The following NCOA1 variants were observed in gnomAD, a reference collection of about 807,000 sequenced individuals.
The protein encoded by NCOA1 is nuclear receptor coactivator 1, also known as Hin-2 protein.
NCOA1 carries 35 observed loss-of-function variants against 150.9 expected under a neutral mutation model. The observed-to-expected ratio is 0.23, with a 90% confidence interval of 0.18 to 0.31. The LOEUF (loss-of-function observed/expected upper bound fraction) is 0.31. Ranked by LOEUF, NCOA1 falls within the 10% of genes least tolerant of loss-of-function variation. The pLI is 1.00. For synonymous variants in NCOA1, 590 were observed against 630.0 expected, an observed-to-expected ratio of 0.94 and a Z score of 0.95; for missense variants, 1,491 against 1,749.3, an observed-to-expected ratio of 0.85 and a Z score of 2.63.
chr2:24,492,634 T>C (rs1361199073), intron 1 of NCOA1, among the ~76,000 whole-genome samples: 1 of 152,112 alleles, frequency 6.6e-6, no homozygotes, highest in Non-Finnish European at 1.5e-5. Context: ...TCGTTTCTTG[T>C]AGAGGTGTTG....
intron 3 of NCOA1, among the ~76,000 whole-genome samples, chr2:24,613,729 G>T (rs1273402625): frequency 6.6e-6 from 1 of 152,122 alleles, no homozygotes; most frequent in Non-Finnish European, 1.5e-5. Flanking sequence ...CTGAAGCTAT[G>T]CCCGGGAATG....
At chr2:24,620,541 G>A (rs545766650) in intron 3 of NCOA1, among the ~76,000 whole-genome samples, 3 of 152,200 alleles carry the variant, frequency 2.0e-5, no homozygotes, top group South Asian at 2.1e-4. Context: ...CCTGGGAGGC[G>A]GAGGTTTTGG....
chr2:24,567,526 T>C (rs181013297), intron 2 of NCOA1, among the ~76,000 whole-genome samples: 1 of 152,340 alleles, frequency 6.6e-6, no homozygotes, highest in Admixed American at 6.5e-5. Flanking sequence ...GAAGACTAGA[T>C]ACACCCATCT....
chr2:24,565,997 G>C (rs1258387381), intron 2 of NCOA1, among the ~76,000 whole-genome samples: 1 of 152,168 alleles, frequency 6.6e-6, no homozygotes. Context: ...CTTCCTGAAG[G>C]CTGCAGCTCT....
intron 4 of NCOA1, among the ~76,000 whole-genome samples, chr2:24,652,371 A>G (rs979910477): frequency 5.9e-5 from 9 of 152,154 alleles, no homozygotes; most frequent in East Asian, 1.9e-4. Context: ...TCAGATCTCT[A>G]TTTATCATGT....
Position 24,769,124 on chromosome 2 carries a change from T to C in NCOA1, c.*733T>C, listed in dbSNP as rs1665210951. The C allele has an allele frequency of 4.8e-6, 1 of 208,994 alleles. No individual in the cohort carries two copies. Among genetic ancestry groups the C allele is most frequent in the Non-Finnish European group, 9.7e-6 (1 of 102,578 alleles). The allele number at this position is 208,994 out of a possible 1,614,324, so 12.9% of individuals were successfully genotyped here. ...ACAAGAAGTGAGTTGTGTCAATTAT[T>C]GTAGATACAATTTTCTGATTAAATC... On this transcript the variant is annotated 3_prime_UTR_variant, in exon 23 of 23. Transcript: ENST00000348332.
At chr2:24,658,253 C>G (rs1230147466) in intron 4 of NCOA1, among the ~76,000 whole-genome samples, 2 of 152,078 alleles carry the variant, frequency 1.3e-5, no homozygotes, top group Non-Finnish European at 2.9e-5. Flanking sequence ...ATTTTAAATT[C>G]TTTTGAAAAG....
At chr2:24,567,444 A>C (rs1178252307) in intron 2 of NCOA1, among the ~76,000 whole-genome samples, 1 of 152,194 alleles carries the variant, frequency 6.6e-6, no homozygotes, top group Non-Finnish European at 1.5e-5. Flanking sequence ...GGAAGAATAT[A>C]AATTATTCTG....
intron 1 of NCOA1, among the ~76,000 whole-genome samples, chr2:24,547,359 A>C (rs575611029): frequency 1.4e-4 from 22 of 152,272 alleles, no homozygotes; most frequent in African/African-American, 5.3e-4. Flanking sequence ...ATTCACTATA[A>C]ATTTAATAAG....
At chr2:24,567,855 A>G (rs1294040001) in intron 2 of NCOA1, among the ~76,000 whole-genome samples, 3 of 151,816 alleles carry the variant, frequency 2.0e-5, no homozygotes, top group African/African-American at 7.3e-5. Context: ...GGTTCAAGCA[A>G]TTCTCCTCCT....
intron 1 of NCOA1, among the ~76,000 whole-genome samples, chr2:24,553,268 G>T (rs1440336732): frequency 5.3e-5 from 8 of 151,578 alleles, no homozygotes; most frequent in African/African-American, 1.7e-4. Flanking sequence ...CGCCCAGGCT[G>T]GAGTGCAGTG....
chr2:24,623,908 G>A (rs184438007), intron 3 of NCOA1, among the ~76,000 whole-genome samples: 300 of 152,250 alleles, frequency 2.0e-3, no homozygotes, highest in African/African-American at 7.0e-3. Flanking sequence ...CAGTCACACT[G>A]GGGGTTAGAA....
chr2:24,697,536 T>C, intron 10 of NCOA1, 122 bp from the exon 11 acceptor site: 1 of 888,790 alleles, frequency 1.1e-6, no homozygotes, highest in Non-Finnish European at 1.7e-6. Flanking sequence ...ATAGTGCTTT[T>C]TGATGCTTTT....
At chr2:24,533,358 C>G (rs143658944) in intron 1 of NCOA1, among the ~76,000 whole-genome samples, 123,870 of 152,090 alleles carry the variant, frequency 0.81, 52,088 homozygotes, top group East Asian at 0.99. Context: ...TGAGACGATG[C>G]GGTTTTCTAA....
At chr2:24,643,821 T>C (rs1462412672) in intron 3 of NCOA1, 145 bp from the exon 4 acceptor site, 1 of 152,230 alleles carries the variant, frequency 6.6e-6, no homozygotes, top group African/African-American at 2.4e-5. Flanking sequence ...TCTTTATTCA[T>C]TGTCTTTTGG....
intron 19 of NCOA1, among the ~76,000 whole-genome samples, chr2:24,751,576 C>G (rs918663805): frequency 6.7e-6 from 1 of 149,142 alleles, no homozygotes; most frequent in African/African-American, 2.5e-5. Flanking sequence ...GAGCAAGACT[C>G]CATCTCGGGG....
At chr2:24,747,040 T>TA (rs1663959159) in intron 19 of NCOA1, among the ~76,000 whole-genome samples, 1 of 152,130 alleles carries the variant, frequency 6.6e-6, no homozygotes, top group Non-Finnish European at 1.5e-5. Context: ...AAAGCTTCTC[T>TA]AAAAAATTGT....
chr2:24,597,475 G>A (rs1160118909), intron 3 of NCOA1, among the ~76,000 whole-genome samples: 1 of 152,104 alleles, frequency 6.6e-6, no homozygotes, highest in Non-Finnish European at 1.5e-5. Flanking sequence ...CATAATCAAT[G>A]GGAGTATTGT....
intron 3 of NCOA1, among the ~76,000 whole-genome samples, chr2:24,625,916 T>C (rs1266081139): frequency 1.3e-5 from 2 of 152,226 alleles, no homozygotes; most frequent in Non-Finnish European, 2.9e-5. Flanking sequence ...TATTTCGACT[T>C]ATCAGCATAA....
Sources: allele counts gnomAD v4.1 joint callset (sites outside exome capture counted in the v4.1 genomes callset), GRCh38; gene constraint gnomAD v4.1.1; transcripts MANE v1.5; gene names NCBI Gene and HGNC (gene_info 2026-07-23, HGNC 2026-07-21).